Variants in RPS6KA1 observed in about 807,000 individuals in gnomAD.
RPS6KA1 encodes ribosomal protein S6 kinase alpha-1.
RPS6KA1 carries 48 observed loss-of-function variants against 91.3 expected under a neutral mutation model. The observed-to-expected ratio is 0.53, with a 90% CI of 0.42 to 0.67. The LOEUF (loss-of-function observed/expected upper bound fraction) is 0.67, where lower values mean the gene tolerates loss of function less well. Ranked by LOEUF, RPS6KA1 falls within the 30% of genes least tolerant of loss-of-function variation. The pLI, the probability that RPS6KA1 is intolerant of heterozygous loss-of-function variation, is 0.00. For synonymous variants in RPS6KA1, 359 were observed against 384.7 expected (o/e 0.93, Z 0.78); for missense variants, 719 against 960.5 (o/e 0.75, Z 3.32).
intron 1 of RPS6KA1, 45 bp downstream of exon 1, chr1:26,530,028 C>G (rs2075856659): frequency 7.9e-7 from 1 of 1,271,820 alleles, no homozygotes; most frequent in Admixed American, 4.1e-5. Context: ...CCGGCGAGCC[C>G]GGATCCTCAC....
rs1804418 is a variant in RPS6KA1, at chr1:26,574,766, T to G, written c.*565T>G. The G allele has an allele frequency of 7.2e-5, 19 of 263,566 alleles. 1 individual carries two copies. Among genetic ancestry groups the G allele is most frequent in the Non-Finnish European group, 3.8e-5 (5 of 131,428 alleles). The allele number at this position is 263,566 out of a possible 1,614,324, so 16.3% of individuals were successfully genotyped here. ...ACTTCCTGCTACAGGAGGGGTCTCA[T>G]GTCCTGCTGGCTTCCAGCTTCAGGC... On this transcript the variant is annotated 3_prime_UTR_variant, in exon 22 of 22. Coordinates refer to ENST00000374168, the MANE Select transcript of RPS6KA1 (RefSeq NM_002953.4). This position sits in a 1 kb window ranked among gnomAD's most constrained non-coding sequence, Gnocchi z 4.3.
intron 2 of RPS6KA1, among the ~76,000 whole-genome samples, chr1:26,537,914 C>T (rs1051853212): frequency 3.9e-5 from 6 of 152,234 alleles, no homozygotes; most frequent in African/African-American, 1.4e-4. Context: ...ATGGCAGCTT[C>T]GGTGCCAGCA....
chr1:26,571,572 A>G lies in RPS6KA1; in HGVS notation c.1714A>G (p.Met572Val). ...KQLRAENGLL[M>V]TPCYTANFVA... ...GCTGCGGGCTGAGAATGGGCTCCTC[A>G]TGACACCTTGCTACACAGCCAACTT... The change falls in exon 18 of 22, where the codon ATG (methionine) becomes GTG (valine). Residue 572 changes from methionine (M) to valine (V), a missense_variant. By Grantham distance (21) the Met-to-Val change is conservative (BLOSUM62 1). Around this residue, in one of 5 missense-constraint regions of RPS6KA1, gnomAD observed 249 missense variants for 323.1 expected, o/e 0.77. Transcript: ENST00000374168. The surrounding 1 kb of genome is among the most constrained non-coding windows in gnomAD (Gnocchi z 5.1). 3.1e-6 allele frequency: 5 copies of G among 1,614,150 alleles called. No individual in the cohort carries two copies. Among genetic ancestry groups the G allele is most frequent in the Non-Finnish European group, 4.2e-6 (5 of 1,180,030 alleles).
chr1:26,559,222 T>C (rs2076132843), intron 14 of RPS6KA1, among the ~76,000 whole-genome samples: 1 of 152,180 alleles, frequency 6.6e-6, no homozygotes, highest in African/African-American at 2.4e-5. Context: ...GGCATAAGTG[T>C]AGCGAAGGAC....
Position 26,551,190 on chromosome 1 carries a change from G to T in RPS6KA1, c.308-207G>T, listed in dbSNP as rs1354127542. Among the ~76,000 whole-genome samples, 2 of 152,174 alleles carry T rather than the reference G, an allele frequency of 1.3e-5. No homozygotes were observed. The highest frequency in any genetic ancestry group is 4.8e-5 in the African/African-American group (2 of 41,444). Reference sequence around the variant, plus strand: ...CCCCAGCTGTGGGCACTGCTGTGAGGGGTGGGGACAAGGAGCCAGCCAAGG... The same window carrying T: ...CCCCAGCTGTGGGCACTGCTGTGAGTGGTGGGGACAAGGAGCCAGCCAAGG... On this transcript the variant is annotated intron_variant, in intron 4 of 21. Transcript: ENST00000374168. This position sits in a 1 kb window ranked among gnomAD's most constrained non-coding sequence, Gnocchi z 4.5.
At chr1:26,548,595 C>T (rs770565115) in intron 4 of RPS6KA1, among the ~76,000 whole-genome samples, 2 of 151,930 alleles carry the variant, frequency 1.3e-5, no homozygotes, top group African/African-American at 2.4e-5. Flanking sequence ...GTCAAGAGTT[C>T]GAGACCAGCC....
rs2076049469 is a variant in RPS6KA1 at position 26,551,503 on chromosome 1, T to C, written c.388+26T>C. ...GTAAAGCTTCTGGCCCTGCCTGAGC[T>C]CCTACCCCACCCATCCTTCGCCCTT... On this transcript the variant is annotated intron_variant, in intron 5 of 21. Transcript: ENST00000374168. The surrounding 1 kb of genome is among the most constrained non-coding windows in gnomAD (Gnocchi z 4.5). 1.2e-6 allele frequency: 2 copies of C among 1,611,790 alleles called. No homozygotes were observed. Among genetic ancestry groups the C allele is most frequent in the African/African-American group, 1.3e-5 (1 of 74,852 alleles).
In RPS6KA1 at chr1:26,555,026, C is replaced by G; in HGVS notation, c.757-125C>G. The G allele has an allele frequency of 9.9e-7, 1 of 1,014,738 alleles. No individual in the cohort carries two copies. Among genetic ancestry groups the G allele is most frequent in the East Asian group, 2.5e-5 (1 of 39,988 alleles). 62.9% of individuals were successfully genotyped at this position (1,014,738 alleles called of 1,614,324 possible). ...GCAAGAGGGACGGGCATAATTCTTG[C>G]TCCAGGCTGACTTGGATGTATCAGC... is the stretch of plus-strand genomic sequence containing the variant. On this transcript the variant is annotated intron_variant, in intron 9 of 21. Transcript: ENST00000374168. This position sits in a 1 kb window ranked among gnomAD's most constrained non-coding sequence, Gnocchi z 4.3.
chr1:26,535,435 C>G lies in RPS6KA1; in HGVS notation c.64-1490C>G, dbSNP rs1019407902. Among the ~76,000 whole-genome samples the G allele has an allele frequency of 4.6e-5, 7 of 152,082 alleles. No homozygotes were observed. In the East Asian group the frequency reaches 1.4e-3, roughly 29 times the overall value. ...TCCAAAGTCCAGATCCAGACCTGTTCTAGAGCAGGCCTTCCTAGCTGTTGG... is the reference window on the plus strand; with the variant it reads ...TCCAAAGTCCAGATCCAGACCTGTTGTAGAGCAGGCCTTCCTAGCTGTTGG... On this transcript the variant is annotated intron_variant, in intron 1 of 21. Coordinates refer to ENST00000374168, the MANE Select transcript of RPS6KA1 (RefSeq NM_002953.4).
intron 21 of RPS6KA1, 124 bp from the exon 22 acceptor site, chr1:26,573,955 A>G (rs1570469392): frequency 2.5e-6 from 3 of 1,215,924 alleles, no homozygotes; most frequent in East Asian, 4.8e-5. Context: ...AAAAAACAAC[A>G]AAAACAAAAC....
intron 4 of RPS6KA1, among the ~76,000 whole-genome samples, chr1:26,549,623 T>G (rs1301864715): frequency 6.6e-6 from 1 of 151,426 alleles, no homozygotes; most frequent in African/African-American, 2.4e-5. Context: ...GTAATCAATA[T>G]TGTGATAAAC....
Position 26,547,523 on chromosome 1 carries a change from G to C in RPS6KA1, c.307+253G>C. 1 of 445,758 alleles carries C rather than the reference G, an allele frequency of 2.2e-6. No individual in the cohort carries two copies. The highest frequency in any genetic ancestry group is 2.3e-5 in the South Asian group (1 of 43,738). The allele number at this position is 445,758 out of a possible 1,614,324, so 27.6% of individuals were successfully genotyped here. A position where few individuals can be genotyped will look rare whatever the true frequency, so the allele number is the denominator to read the frequency against. On this transcript the variant is annotated intron_variant, in intron 4 of 21. Coordinates refer to ENST00000374168, the MANE Select transcript of RPS6KA1 (RefSeq NM_002953.4). The surrounding 1 kb of genome is among the most constrained non-coding windows in gnomAD (Gnocchi z 4.1). ...AAATGCAATGTGTTTGTCAGGGGGC[G>C]GGGCCCTCAACTACCAAGCTGGTCA...
At chr1:26,536,152 T>TAAAA (rs35238041) in intron 1 of RPS6KA1, among the ~76,000 whole-genome samples, 3 of 74,426 alleles carry the variant, frequency 4.0e-5, no homozygotes, top group African/African-American at 5.2e-5. Flanking sequence ...AAACTCTGTC[T>TAAAA]AAAAAAAAAA....
chr1:26,559,131 C>T (rs1161526224), intron 14 of RPS6KA1, among the ~76,000 whole-genome samples, 194 bp downstream of exon 14: 2 of 152,300 alleles, frequency 1.3e-5, no homozygotes, highest in South Asian at 2.1e-4. Flanking sequence ...TATGGGTGTA[C>T]ATTTCCCAGC....
At position 26,536,963 on chromosome 1, in the gene RPS6KA1, G is replaced by T; in HGVS notation, c.102G>T (p.Pro34=). 6.2e-7 allele frequency: 1 copy of T among 1,614,100 alleles called. No homozygotes were observed. The highest frequency in any genetic ancestry group is 8.5e-7 in the Non-Finnish European group (1 of 1,179,966). ...CAGGGGAAGAAGCTGGACTTCAGCCGTCCAAGGTGAGGACCATGGCCAGCA... is the reference window on the plus strand; with the variant it reads ...CAGGGGAAGAAGCTGGACTTCAGCCTTCCAAGGTGAGGACCATGGCCAGCA... The part of the protein sequence containing the change: ...QTSGEEAGLQ[P]SKDEGVLKEI... Residue 34 remains proline (P), a synonymous_variant, in exon 2 of 22, where the codon CCG becomes CCT. Coordinates refer to ENST00000374168, the MANE Select transcript of RPS6KA1 (RefSeq NM_002953.4).
chr1:26,564,310 G>C (rs2076179735), intron 17 of RPS6KA1, among the ~76,000 whole-genome samples: 2 of 151,946 alleles, frequency 1.3e-5, no homozygotes, highest in South Asian at 4.2e-4. Context: ...CCAGGCTGGA[G>C]TGCAGTGGCA....
Position 26,561,507 on chromosome 1 carries a change from G to C in RPS6KA1, c.1434G>C (p.Val478=). Residue 478 remains valine (V), a splice_region_variant and synonymous_variant, in exon 17 of 22, where the codon GTG becomes GTC. Coordinates refer to ENST00000374168, the MANE Select transcript of RPS6KA1 (RefSeq NM_002953.4). The surrounding 1 kb of genome is among the most constrained non-coding windows in gnomAD (Gnocchi z 5.7). ...QHPNIITLKD[V]YDDGKHVYLV... is the part of the protein sequence containing the mutation. ...CCTGATGGTGAGGTCTTCGGCAGGT[G>C]TATGATGATGGCAAACACGTGTACC... 6.2e-7 allele frequency: 1 copy of C among 1,614,198 alleles called. No individual in the cohort carries two copies. Among genetic ancestry groups the C allele is most frequent in the African/African-American group, 1.3e-5 (1 of 75,058 alleles).
chr1:26,555,067 G>C lies in RPS6KA1; in HGVS notation c.757-84G>C. On this transcript the variant is annotated intron_variant, in intron 9 of 21. Coordinates refer to ENST00000374168, the MANE Select transcript of RPS6KA1 (RefSeq NM_002953.4). The surrounding 1 kb of genome is among the most constrained non-coding windows in gnomAD (Gnocchi z 4.3). The stretch of plus-strand genomic sequence containing the variant: ...ATGTATCAGCAAGAATCCTGGGACT[G>C]GGGCAGAGGGGTCTGACTGGGAGGA... 2.3e-6 allele frequency: 3 copies of C among 1,332,512 alleles called. No homozygotes were observed. Among genetic ancestry groups the C allele is most frequent in the Non-Finnish European group, 3.2e-6 (3 of 937,046 alleles). The allele number at this position is 1,332,512 out of a possible 1,614,324, so 82.5% of individuals were successfully genotyped here.
intron 6 of RPS6KA1, among the ~76,000 whole-genome samples, chr1:26,552,036 G>A (rs1408733972): frequency 6.6e-6 from 1 of 152,224 alleles, no homozygotes; most frequent in East Asian, 1.9e-4. Flanking sequence ...GTCACCCAGA[G>A]AGCCAGAGAC....
Sources: allele counts gnomAD v4.1 joint callset (sites outside exome capture counted in the v4.1 genomes callset), GRCh38; gene constraint gnomAD v4.1.1; regional missense constraint gnomAD v4.1.1; non-coding constraint Gnocchi (gnomAD v3.1); transcripts MANE v1.5; gene names NCBI Gene and HGNC (gene_info 2026-07-23, HGNC 2026-07-21).